The following HMGXB4 variants were observed in gnomAD, a reference collection of about 807,000 sequenced individuals.
The protein encoded by HMGXB4 is HMG-box containing 4.
Under a neutral mutation model 63.9 loss-of-function variants are expected in HMGXB4, and 27 were observed. The observed-to-expected ratio is 0.42, with a 90% CI of 0.31 to 0.58. The LOEUF (loss-of-function observed/expected upper bound fraction) is 0.58. Ranked by LOEUF, HMGXB4 falls within the 20% of genes least tolerant of loss-of-function variation. The pLI, the probability that HMGXB4 is intolerant of heterozygous loss-of-function variation, is 0.13. For synonymous variants in HMGXB4, 264 were observed against 265.3 expected (o/e 0.99, Z 0.05); for missense variants, 624 against 700.7 (o/e 0.89, Z 1.24).
chr22:35,280,677 GAATCCATGCACTTT>G (rs1387078667), intron 5 of HMGXB4, among the ~76,000 whole-genome samples: 1 of 152,192 alleles, frequency 6.6e-6, no homozygotes, highest in Non-Finnish European at 1.5e-5. Context: ...CTTCCGGACA[GAATCCATGCACTTT>G]AATATGGGTT....
At chr22:35,242,354 G>A in the HMGXB4 span, among the ~76,000 whole-genome samples, 1 of 152,148 alleles carries the variant, frequency 6.6e-6, no homozygotes, top group East Asian at 1.9e-4. Context: ...TATAGGGCTA[G>A]TAAAAAGATC....
chr22:35,270,123 G>A (rs1047363520), intron 5 of HMGXB4, among the ~76,000 whole-genome samples: 6 of 152,158 alleles, frequency 3.9e-5, no homozygotes, highest in African/African-American at 9.7e-5. Flanking sequence ...AGCCGTCCGC[G>A]GCCTGTGGGG....
chr22:35,275,055 A>G (rs1042889514), intron 5 of HMGXB4, among the ~76,000 whole-genome samples: 62 of 148,064 alleles, frequency 4.2e-4, no homozygotes, highest in African/African-American at 1.3e-3. Flanking sequence ...GGGAATTTCT[A>G]TGGGTAAAGG....
chr22:35,272,333 G>A (rs150453214), intron 5 of HMGXB4, among the ~76,000 whole-genome samples: 117 of 150,206 alleles, frequency 7.8e-4, no homozygotes, highest in African/African-American at 2.5e-3. Flanking sequence ...ACGCAGCAGC[G>A]GTGGGCTCTT....
intron 4 of HMGXB4, chr22:35,264,196 G>A (rs1450729705): frequency 1.5e-6 from 1 of 654,236 alleles, no homozygotes; most frequent in Non-Finnish European, 2.6e-6. Context: ...GCACCTGTGG[G>A]TCACTTCTCA....
chr22:35,263,973 A>G, intron 4 of HMGXB4, 99 bp downstream of exon 4: 2 of 1,581,410 alleles, frequency 1.3e-6, no homozygotes, highest in Non-Finnish European at 8.6e-7. Flanking sequence ...TCAGTGGCCT[A>G]TTTAACAGGA....
At chr22:35,265,672 TTTAAG>T (rs1422305887) in intron 5 of HMGXB4, 69 bp downstream of exon 5, 25 of 1,451,072 alleles carry the variant, frequency 1.7e-5, no homozygotes, top group Middle Eastern at 5.1e-4. Context: ...TCAGTGGACT[TTTAAG>T]TTAAGCAGTT....
chr22:35,259,364 G>A (rs1922691364), intron 1 of HMGXB4, among the ~76,000 whole-genome samples: 2 of 152,188 alleles, frequency 1.3e-5, no homozygotes, highest in African/African-American at 4.8e-5. Flanking sequence ...ATTGAATTGA[G>A]ACTGGGTTTT....
intron 9 of HMGXB4, 55 bp downstream of exon 9, chr22:35,288,462 A>G: frequency 2.2e-6 from 3 of 1,368,214 alleles, no homozygotes; most frequent in Non-Finnish European, 2.0e-6. Flanking sequence ...TTCCCATATA[A>G]TTTTGATTCA....
intron 7 of HMGXB4, 164 bp from the exon 8 acceptor site, chr22:35,287,183 T>A: frequency 1.7e-6 from 1 of 600,934 alleles, no homozygotes; most frequent in Non-Finnish European, 3.0e-6. Flanking sequence ...GTCAGCTGTC[T>A]GAAGTCAGTT....
chr22:35,282,304 G>A (rs1197353038), intron 5 of HMGXB4, among the ~76,000 whole-genome samples: 1 of 152,172 alleles, frequency 6.6e-6, no homozygotes, highest in East Asian at 1.9e-4. Flanking sequence ...AGCCTCCCGA[G>A]TAGCTGGGAC....
chr22:35,270,491 C>T (rs1001012601), intron 5 of HMGXB4, among the ~76,000 whole-genome samples: 16 of 152,186 alleles, frequency 1.1e-4, no homozygotes, highest in African/African-American at 2.9e-4. Flanking sequence ...TGAATTATCC[C>T]GAACTCTGCC....
At chr22:35,260,050 T>C (rs776332997) in intron 1 of HMGXB4, among the ~76,000 whole-genome samples, 13 of 152,226 alleles carry the variant, frequency 8.5e-5, no homozygotes, top group Non-Finnish European at 1.9e-4. Context: ...GAGGTACTTA[T>C]TTCTATTCTG....
chr22:35,253,336 G>T (rs150199979), upstream of HMGXB4, among the ~76,000 whole-genome samples: 2 of 152,180 alleles, frequency 1.3e-5, no homozygotes, highest in Non-Finnish European at 2.9e-5. Flanking sequence ...TTGTACCATA[G>T]TAATTATGGA....
At chr22:35,290,820 A>G (rs1054758907) in intron 9 of HMGXB4, among the ~76,000 whole-genome samples, 1 of 152,144 alleles carries the variant, frequency 6.6e-6, no homozygotes, top group African/African-American at 2.4e-5. Context: ...GTGCTTTTAC[A>G]GTGACATTCA....
At chr22:35,250,270 CA>C in the HMGXB4 span, among the ~76,000 whole-genome samples, 1 of 152,174 alleles carries the variant, frequency 6.6e-6, no homozygotes, top group Non-Finnish European at 1.5e-5. Context: ...TTACTTGGCT[CA>C]CAGTTCTGCA....
At chr22:35,250,270 C>T in the HMGXB4 span, among the ~76,000 whole-genome samples, 1 of 152,174 alleles carries the variant, frequency 6.6e-6, no homozygotes. Flanking sequence ...TTACTTGGCT[C>T]ACAGTTCTGC....
chr22:35,285,231 C>A (rs930768597), intron 6 of HMGXB4, among the ~76,000 whole-genome samples: 1 of 152,068 alleles, frequency 6.6e-6, no homozygotes, highest in Non-Finnish European at 1.5e-5. Flanking sequence ...CATAACGAGA[C>A]CTCATCTCTA....
chr22:35,290,872 G>A (rs1046577709), intron 9 of HMGXB4, among the ~76,000 whole-genome samples: 22 of 151,826 alleles, frequency 1.4e-4, no homozygotes, highest in South Asian at 1.0e-3. Context: ...AATGTACATC[G>A]TAATGGACAT....
Sources: gnomAD v4.1 joint callset for allele counts (sites outside exome capture counted in the v4.1 genomes callset) on GRCh38, gnomAD v4.1.1 for gene constraint, MANE v1.5 for transcripts, NCBI Gene and HGNC (gene_info 2026-07-23, HGNC 2026-07-21) for gene names.